SMYD3: variants seen among roughly 807,000 people sequenced by gnomAD.
SMYD3 encodes SET and MYND domain containing 3.
SMYD3 carries 36 observed loss-of-function variants against 57.7 expected under a neutral mutation model. That is an observed-to-expected ratio of 0.62 (90% CI 0.48 to 0.82). The LOEUF (loss-of-function observed/expected upper bound fraction) is 0.82, where lower values mean the gene tolerates loss of function less well. Ranked by LOEUF, SMYD3 falls within the 40% of genes least tolerant of loss-of-function variation. The probability of loss-of-function intolerance (pLI) is 0.00; values close to 1 mark genes in which losing one functional copy is unlikely to be tolerated. For synonymous variants in SMYD3, 211 were observed against 195.0 expected, an observed-to-expected ratio of 1.08 and a Z score of -0.68; for missense variants, 515 against 538.8, an observed-to-expected ratio of 0.96 and a Z score of 0.44.
At chr1:246,043,998 C>T (rs933432206) in intron 5 of SMYD3, among the ~76,000 whole-genome samples, 4 of 152,186 alleles carry the variant, frequency 2.6e-5, no homozygotes, top group Non-Finnish European at 5.9e-5. Context: ...AGTGTCCGCA[C>T]GTGGTTCCTG....
At chr1:246,136,669 A>G (rs1315593578) in intron 5 of SMYD3, among the ~76,000 whole-genome samples, 1 of 152,208 alleles carries the variant, frequency 6.6e-6, no homozygotes, top group Non-Finnish European at 1.5e-5. Context: ...AAATGAATCA[A>G]TGAGTGAGTA....
At chr1:246,375,883 C>G (rs1170594094) in intron 1 of SMYD3, among the ~76,000 whole-genome samples, 1 of 152,020 alleles carries the variant, frequency 6.6e-6, no homozygotes, top group Non-Finnish European at 1.5e-5. Context: ...GTGTGCACCA[C>G]CACGCCTGGC....
intron 5 of SMYD3, among the ~76,000 whole-genome samples, chr1:246,081,337 G>A (rs2147839113): frequency 6.6e-6 from 1 of 152,312 alleles, no homozygotes; most frequent in Middle Eastern, 3.4e-3. Context: ...TACAAACTGT[G>A]AGACTGCTCA....
intron 5 of SMYD3, among the ~76,000 whole-genome samples, chr1:246,319,524 C>T (rs1328764341): frequency 6.6e-6 from 1 of 152,174 alleles, no homozygotes; most frequent in Non-Finnish European, 1.5e-5. Flanking sequence ...GATAATCCAT[C>T]ACTTTATTAA....
intron 5 of SMYD3, among the ~76,000 whole-genome samples, chr1:245,989,236 C>T (rs2058766067): frequency 6.6e-6 from 1 of 152,184 alleles, no homozygotes; most frequent in African/African-American, 2.4e-5. Context: ...AAATCCTGCT[C>T]ACCTTTTAGG....
chr1:246,172,005 T>C (rs1421169789), intron 5 of SMYD3, among the ~76,000 whole-genome samples: 1 of 152,202 alleles, frequency 6.6e-6, no homozygotes, highest in Non-Finnish European at 1.5e-5. Context: ...ACTATGACTT[T>C]ATCTCATGAA....
intron 5 of SMYD3, among the ~76,000 whole-genome samples, chr1:246,267,354 T>G (rs1282949698): frequency 6.6e-6 from 1 of 152,216 alleles, no homozygotes; most frequent in East Asian, 1.9e-4. Flanking sequence ...CTGGGCCCAA[T>G]TTTAAAAGTA....
intron 5 of SMYD3, among the ~76,000 whole-genome samples, chr1:246,151,778 A>C (rs1391978326): frequency 6.6e-6 from 1 of 152,176 alleles, no homozygotes; most frequent in Admixed American, 6.5e-5. Flanking sequence ...CTAGCTGTGC[A>C]TTCCCAAGGA....
intron 1 of SMYD3, among the ~76,000 whole-genome samples, chr1:246,358,880 A>G (rs145463093): frequency 0.015 from 2,348 of 152,338 alleles, 51 homozygotes; most frequent in Admixed American, 0.032. Flanking sequence ...GCACAAATAG[A>G]CAATCTAAGG....
intron 8 of SMYD3, among the ~76,000 whole-genome samples, chr1:245,906,218 G>A (rs973103290): frequency 6.6e-5 from 10 of 152,168 alleles, no homozygotes; most frequent in African/African-American, 2.2e-4. Context: ...CCCATGGAAT[G>A]GGAGAAAATA....
At chr1:245,995,887 C>T (rs2058920380) in intron 5 of SMYD3, among the ~76,000 whole-genome samples, 1 of 152,176 alleles carries the variant, frequency 6.6e-6, no homozygotes, top group Admixed American at 6.5e-5. Context: ...ACAGCTTGGT[C>T]CTGGGGATGA....
chr1:246,352,463 A>G (rs1264047956), intron 2 of SMYD3, among the ~76,000 whole-genome samples: 1 of 152,252 alleles, frequency 6.6e-6, no homozygotes, highest in Non-Finnish European at 1.5e-5. Flanking sequence ...GGGTATCCAC[A>G]ATAATTACAA....
intron 1 of SMYD3, among the ~76,000 whole-genome samples, chr1:246,463,733 A>G (rs372168363): frequency 1.9e-4 from 28 of 146,076 alleles, no homozygotes; most frequent in African/African-American, 6.3e-4. Context: ...CTACTCGGGA[A>G]GCTGAGGCAG....
At chr1:246,086,645 G>C (rs2060726980) in intron 5 of SMYD3, among the ~76,000 whole-genome samples, 1 of 151,922 alleles carries the variant, frequency 6.6e-6, no homozygotes, top group Admixed American at 6.6e-5. Flanking sequence ...GCCTCAGAGA[G>C]AGAGAAGGGA....
chr1:246,165,946 C>T (rs1459333912), intron 5 of SMYD3, among the ~76,000 whole-genome samples: 1 of 151,950 alleles, frequency 6.6e-6, no homozygotes, highest in Admixed American at 6.6e-5. Flanking sequence ...CCTAAGAGGG[C>T]TGTCTAGAAG....
intron 5 of SMYD3, among the ~76,000 whole-genome samples, chr1:246,213,007 T>C (rs1176158177): frequency 6.6e-6 from 1 of 152,144 alleles, no homozygotes; most frequent in African/African-American, 2.4e-5. Flanking sequence ...CAAAAGGAGC[T>C]CTAGTATCAT....
chr1:246,474,997 C>G (rs1242560347), intron 1 of SMYD3, among the ~76,000 whole-genome samples: 3 of 152,058 alleles, frequency 2.0e-5, no homozygotes, highest in Non-Finnish European at 4.4e-5. Flanking sequence ...CAACTACAAC[C>G]TCACAGTGAT....
intron 4 of SMYD3, among the ~76,000 whole-genome samples, chr1:246,329,534 G>A (rs531492445): frequency 2.0e-4 from 31 of 152,050 alleles, no homozygotes; most frequent in African/African-American, 7.0e-4. Flanking sequence ...TTTTTGATGG[G>A]GTTGTTTGTT....
intron 5 of SMYD3, among the ~76,000 whole-genome samples, chr1:246,249,311 C>A (rs1215537438): frequency 3.1e-5 from 3 of 96,270 alleles, no homozygotes; most frequent in Non-Finnish European, 6.3e-5. Context: ...ACCATGTTGG[C>A]CAGGCTGGTC....
Sources: allele counts gnomAD v4.1 joint callset (sites outside exome capture counted in the v4.1 genomes callset), GRCh38; gene constraint gnomAD v4.1.1; transcripts MANE v1.5; gene names NCBI Gene and HGNC (gene_info 2026-07-23, HGNC 2026-07-21).